PRKCQ: variants seen among roughly 807,000 people sequenced by gnomAD.
The protein encoded by PRKCQ is protein kinase C theta, also known as protein kinase C theta type.
A neutral mutation model predicts 91.2 loss-of-function variants in PRKCQ; 41 were observed. The ratio of observed to expected loss-of-function variants is 0.45; its 90% CI spans 0.35 to 0.58. The LOEUF (loss-of-function observed/expected upper bound fraction) is 0.58, where lower values mean the gene tolerates loss of function less well. Among genes scored for constraint, PRKCQ ranks in the 20% least tolerant of loss-of-function variants. The pLI, the probability that PRKCQ is intolerant of heterozygous loss-of-function variation, is 0.00. For missense variants in PRKCQ, 673 were observed against 896.5 expected (o/e 0.75, Z 3.18); for synonymous variants, 307 against 316.9 (o/e 0.97, Z 0.33).
Position 6,483,516 on chromosome 10 carries a change from C to T in PRKCQ, c.1103G>A (p.Arg368Lys). 6.2e-7 allele frequency: 1 copy of T among 1,614,190 alleles called. No homozygotes were observed. The highest frequency in any genetic ancestry group is 8.5e-7 in the Non-Finnish European group (1 of 1,180,034). ...HLPEPELNKE[R>K]PSLQIKLKIE... ...TTTTAGTTTAATCTGCAGAGATGGTCTTTCTTTGTTCAGTTCAGGTTCTGG... is the reference window on the plus strand; with the variant it reads ...TTTTAGTTTAATCTGCAGAGATGGTTTTTCTTTGTTCAGTTCAGGTTCTGG... Residue 368 changes from arginine to lysine, a missense_variant, in exon 11 of 18, where the codon AGA becomes AAA. Coordinates refer to ENST00000263125, the MANE Select transcript of PRKCQ (RefSeq NM_006257.5).
chr10:6,517,343 T>G (rs951508244), intron 1 of PRKCQ, among the ~76,000 whole-genome samples: 6 of 1,052 alleles, frequency 5.7e-3, no homozygotes, highest in South Asian at 0.12. Flanking sequence ...AGTTTTGTGT[T>G]TTTTTTTTTC....
chr10:6,472,313 A>C (rs79357472), intron 12 of PRKCQ, among the ~76,000 whole-genome samples: 4,252 of 151,976 alleles, frequency 0.028, 70 homozygotes, highest in South Asian at 0.051. Flanking sequence ...ATCTCAGAAA[A>C]AAACAAACAA....
rs957373393 is a variant in PRKCQ at position 6,576,573 on chromosome 10, G to A, written c.-10+3638C>T. Reference sequence around the variant, plus strand: ...GACGGATGAGGAACGAATGTTCCACGAGGACAGAGTTTCAGTTTTAGGAGA... The same window carrying A: ...GACGGATGAGGAACGAATGTTCCACAAGGACAGAGTTTCAGTTTTAGGAGA... On this transcript the variant is annotated intron_variant, in intron 1 of 17. Coordinates refer to ENST00000263125, the MANE Select transcript of PRKCQ (RefSeq NM_006257.5). This position sits in a 1 kb window ranked among gnomAD's most constrained non-coding sequence, Gnocchi z 4.2. 3.9e-5 allele frequency among the ~76,000 whole-genome samples: 6 copies of A among 152,354 alleles called. No homozygotes were observed. The highest frequency in any genetic ancestry group is 2.1e-4 in the South Asian group (1 of 4,820).
intron 1 of PRKCQ, among the ~76,000 whole-genome samples, chr10:6,574,957 CCTA>C (rs1184207075): frequency 2.3e-5 from 1 of 42,590 alleles, no homozygotes; most frequent in Non-Finnish European, 1.2e-4. Context: ...AAGTGTGTCC[CCTA>C]CTGAAACACA....
chr10:6,502,827 C>T (rs186724838), intron 4 of PRKCQ, among the ~76,000 whole-genome samples: 35 of 152,180 alleles, frequency 2.3e-4, no homozygotes, highest in East Asian at 2.1e-3. Context: ...TAATTAAGTA[C>T]GATAGTAAGT....
intron 16 of PRKCQ, among the ~76,000 whole-genome samples, chr10:6,437,288 A>G (rs1353085274): frequency 1.3e-5 from 2 of 152,204 alleles, no homozygotes; most frequent in Non-Finnish European, 2.9e-5. Flanking sequence ...TCTTGATCCA[A>G]TAGGGCTAGA....
At chr10:6,487,143 G>A (rs986390687) in intron 8 of PRKCQ, among the ~76,000 whole-genome samples, 3 of 152,228 alleles carry the variant, frequency 2.0e-5, no homozygotes, top group Admixed American at 1.3e-4. Context: ...TGAAAACCTC[G>A]TGTGATTATG....
chr10:6,424,966 A>G (rs556349258), downstream of PRKCQ, among the ~76,000 whole-genome samples: 1 of 152,306 alleles, frequency 6.6e-6, no homozygotes, highest in East Asian at 1.9e-4. Flanking sequence ...AGTGGTGATG[A>G]GAGGACCGGC....
the PRKCQ span, among the ~76,000 whole-genome samples, chr10:6,415,405 C>CATATATATATATAT: frequency 9.5e-6 from 1 of 104,878 alleles, no homozygotes; most frequent in African/African-American, 4.2e-5. Flanking sequence ...CAAGAAAATA[C>CATATATATATATAT]ATATATATAT....
intron 16 of PRKCQ, among the ~76,000 whole-genome samples, chr10:6,438,305 C>T (rs968251204): frequency 6.6e-6 from 1 of 152,186 alleles, no homozygotes; most frequent in South Asian, 2.1e-4. Flanking sequence ...GAAGTGTATT[C>T]CCTTTACATT....
At chr10:6,414,436 G>C in the PRKCQ span, among the ~76,000 whole-genome samples, 6 of 151,978 alleles carry the variant, frequency 3.9e-5, no homozygotes, top group Non-Finnish European at 8.8e-5. Context: ...GAATTACCGG[G>C]CACACAAAGA....
At chr10:6,429,975 C>A (rs1280416207) in intron 17 of PRKCQ, among the ~76,000 whole-genome samples, 1 of 150,674 alleles carries the variant, frequency 6.6e-6, no homozygotes, top group East Asian at 2.0e-4. Context: ...CCACCTCAGC[C>A]TCCCGAGTAG....
At chr10:6,453,491 C>A (rs1834826433) in intron 15 of PRKCQ, among the ~76,000 whole-genome samples, 1 of 152,214 alleles carries the variant, frequency 6.6e-6, no homozygotes, top group Admixed American at 6.5e-5. Flanking sequence ...ACTAGTTCAA[C>A]CATTGTGGAA....
the PRKCQ span, among the ~76,000 whole-genome samples, chr10:6,399,563 A>G: frequency 6.6e-6 from 1 of 151,826 alleles, no homozygotes; most frequent in Non-Finnish European, 1.5e-5. Context: ...GTTTTGCCAG[A>G]GCCACAAGAT....
At chr10:6,551,313 G>A (rs943077893) in intron 1 of PRKCQ, among the ~76,000 whole-genome samples, 5 of 151,730 alleles carry the variant, frequency 3.3e-5, no homozygotes, top group South Asian at 2.1e-4. Context: ...CTCCATCCAC[G>A]TTTCTGCAAA....
intron 1 of PRKCQ, among the ~76,000 whole-genome samples, chr10:6,559,764 C>A (rs1232514704): frequency 6.6e-6 from 1 of 152,170 alleles, no homozygotes; most frequent in East Asian, 1.9e-4. Flanking sequence ...TAAAAACAGG[C>A]CAGGTTCTAG....
intron 1 of PRKCQ, among the ~76,000 whole-genome samples, chr10:6,551,078 T>C (rs546036624): frequency 2.0e-5 from 3 of 152,288 alleles, no homozygotes; most frequent in Admixed American, 1.3e-4. Context: ...GGGGGTTTGT[T>C]GTACAGATTA....
intron 1 of PRKCQ, among the ~76,000 whole-genome samples, chr10:6,528,777 G>C (rs1373166189): frequency 2.0e-5 from 3 of 152,220 alleles, no homozygotes; most frequent in African/African-American, 4.8e-5. Flanking sequence ...AGGTCAGGGA[G>C]GACATGAATG....
chr10:6,535,177 T>C (rs953204315), intron 1 of PRKCQ, among the ~76,000 whole-genome samples: 2 of 152,190 alleles, frequency 1.3e-5, no homozygotes, highest in Non-Finnish European at 2.9e-5. Context: ...TGGTCCCAGG[T>C]ATCACCTGGC....
Sources: gnomAD v4.1 joint callset for allele counts (sites outside exome capture counted in the v4.1 genomes callset) on GRCh38, gnomAD v4.1.1 for gene constraint, Gnocchi (gnomAD v3.1) non-coding constraint, MANE v1.5 for transcripts, NCBI Gene and HGNC (gene_info 2026-07-23, HGNC 2026-07-21) for gene names.